Variants in USP14 observed in about 807,000 individuals in gnomAD.
USP14 encodes ubiquitin specific peptidase 14.
In USP14, 38 loss-of-function variants were observed where a neutral mutation model predicts 76.5. The observed-to-expected ratio is 0.50, with a 90% CI of 0.38 to 0.65. The LOEUF is 0.65. Among genes scored for constraint, USP14 ranks in the 30% least tolerant of loss-of-function variants. USP14 has a pLI of 0.00. For missense variants in USP14, 467 were observed against 586.5 expected, an observed-to-expected ratio of 0.80 and a Z score of 2.10; for synonymous variants, 192 against 191.7, an observed-to-expected ratio of 1.00 and a Z score of -0.01.
At chr18:188,669 GTATTT>G (rs552250839) in intron 5 of USP14, among the ~76,000 whole-genome samples, 283 of 151,492 alleles carry the variant, frequency 1.9e-3, no homozygotes, top group African/African-American at 6.3e-3. Flanking sequence ...CTTTTTTGGG[GTATTT>G]TATTTTATTT....
In USP14 at chr18:158,560, T is replaced by A. The variant is rs551737217; in HGVS notation, c.-139T>A. The stretch of plus-strand genomic sequence containing the variant: ...CGTCATCGCCAGTGGCCGGTTTGAA[T>A]GAGACTCGTCGCACCGAAGCCGCCG... On this transcript the variant is annotated 5_prime_UTR_variant, in exon 1 of 16. An upstream start codon of the reference 5' UTR is lost. Transcript: ENST00000261601. 877 of 829,526 alleles carry A rather than the reference T, an allele frequency of 1.1e-3. 1 individual carries two copies. The highest frequency in any genetic ancestry group is 1.6e-3 in the Middle Eastern group (7 of 4,406). 51.4% of individuals were successfully genotyped at this position (829,526 alleles called of 1,614,324 possible). A position where few individuals can be genotyped will look rare whatever the true frequency, so the allele number is the denominator to read the frequency against.
chr18:178,603 G>A (rs1909695513), intron 3 of USP14, among the ~76,000 whole-genome samples: 2 of 152,076 alleles, frequency 1.3e-5, no homozygotes, highest in Non-Finnish European at 2.9e-5. Context: ...GTACACCTTT[G>A]CCTTGGCCTC....
intron 1 of USP14, among the ~76,000 whole-genome samples, chr18:159,177 C>T (rs1909044891): frequency 6.6e-6 from 1 of 152,138 alleles, no homozygotes; most frequent in Admixed American, 6.5e-5. Context: ...TCGTCCTTCG[C>T]CCTTCTCTTG....
chr18:188,353 A>G (rs1909990546), intron 5 of USP14, among the ~76,000 whole-genome samples: 1 of 152,110 alleles, frequency 6.6e-6, no homozygotes, highest in South Asian at 2.1e-4. Context: ...GTGATACATT[A>G]TGTTAATAGT....
At chr18:161,749 T>G (rs1403650239) in intron 1 of USP14, among the ~76,000 whole-genome samples, 1 of 152,214 alleles carries the variant, frequency 6.6e-6, no homozygotes, top group African/African-American at 2.4e-5. Context: ...AGTTGTGAGG[T>G]TCTTATTTTT....
chr18:163,142 A>G (rs1266309776), intron 1 of USP14, 166 bp from the exon 2 acceptor site: 10 of 535,790 alleles, frequency 1.9e-5, no homozygotes, highest in Non-Finnish European at 3.2e-5. Context: ...AATTTTATTC[A>G]GCACCTACTG....
At chr18:189,352 T>G (rs183979004) in intron 5 of USP14, among the ~76,000 whole-genome samples, 1 of 152,184 alleles carries the variant, frequency 6.6e-6, no homozygotes, top group African/African-American at 2.4e-5. Context: ...TTACTTACCC[T>G]TGTGTAGTAA....
chr18:174,176 A>G (rs1038163112), intron 3 of USP14, among the ~76,000 whole-genome samples: 2 of 152,110 alleles, frequency 1.3e-5, no homozygotes, highest in African/African-American at 4.8e-5. Flanking sequence ...TAACTTACAA[A>G]CATGGTAAAC....
At chr18:210,993 C>A in intron 15 of USP14, 140 bp from the exon 16 acceptor site, 1 of 786,826 alleles carries the variant, frequency 1.3e-6, no homozygotes, top group Non-Finnish European at 2.0e-6. Context: ...CCTGTGTGGT[C>A]ACTGGGTCGC....
At chr18:183,508 T>C (rs1336045411) in intron 5 of USP14, among the ~76,000 whole-genome samples, 5 of 152,078 alleles carry the variant, frequency 3.3e-5, no homozygotes, top group Non-Finnish European at 7.4e-5. Context: ...TTAAAATTTC[T>C]AGATCTGTTT....
chr18:203,771 G>A (rs1034695585), intron 12 of USP14, among the ~76,000 whole-genome samples: 3 of 151,974 alleles, frequency 2.0e-5, no homozygotes, highest in East Asian at 1.9e-4. Flanking sequence ...CACCGTGCCC[G>A]GCTAATTTTT....
intron 10 of USP14, 73 bp from the exon 11 acceptor site, chr18:202,807 C>T: frequency 6.8e-7 from 1 of 1,467,376 alleles, no homozygotes; most frequent in East Asian, 2.3e-5. Flanking sequence ...AAAAGGCTTA[C>T]TGGTGTGATT....
In USP14 at chr18:166,619, C is replaced by T. The variant is rs533124760; in HGVS notation, c.163-168C>T. On this transcript the variant is annotated intron_variant, in intron 2 of 15. Coordinates refer to ENST00000261601, the MANE Select transcript of USP14 (RefSeq NM_005151.4). ...AAGTGCTGGGATTACAGGCGTGAGC[C>T]ACTGTGCCTGGCCAAAAAAAATTTT... Among the ~76,000 whole-genome samples, 7 of 152,234 alleles carry T rather than the reference C, an allele frequency of 4.6e-5. No homozygotes were observed. The South Asian group carries it at 1.0e-3, about 23-fold the overall frequency.
At chr18:167,330 C>T (rs1909301922) in intron 3 of USP14, among the ~76,000 whole-genome samples, 1 of 152,228 alleles carries the variant, frequency 6.6e-6, no homozygotes, top group African/African-American at 2.4e-5. Flanking sequence ...TGCTCTCCAA[C>T]TTTCTCCTCT....
intron 7 of USP14, 40 bp downstream of exon 7, chr18:196,807 A>G (rs1169622001): frequency 1.2e-6 from 2 of 1,606,984 alleles, no homozygotes; most frequent in Non-Finnish European, 1.7e-6. Context: ...TAAATGTAAA[A>G]CTTAGGTTTC....
At chr18:187,936 G>A (rs1051522432) in intron 5 of USP14, among the ~76,000 whole-genome samples, 1 of 152,044 alleles carries the variant, frequency 6.6e-6, no homozygotes, top group Non-Finnish European at 1.5e-5. Context: ...TTTTCTATTA[G>A]TATTTGGATT....
intron 15 of USP14, among the ~76,000 whole-genome samples, chr18:210,778 G>A (rs767521310): frequency 6.6e-6 from 1 of 152,198 alleles, no homozygotes; most frequent in African/African-American, 2.4e-5. Flanking sequence ...ACATTTTTAT[G>A]TCTTTCTGTT....
chr18:176,737 C>G (rs570738307), intron 3 of USP14, among the ~76,000 whole-genome samples: 12 of 152,082 alleles, frequency 7.9e-5, no homozygotes, highest in African/African-American at 2.4e-4. Context: ...TTTTTTGATT[C>G]ACTTGCATTC....
intron 3 of USP14, among the ~76,000 whole-genome samples, chr18:171,507 A>T (rs1331631364): frequency 2.6e-5 from 4 of 152,184 alleles, no homozygotes; most frequent in African/African-American, 9.7e-5. Context: ...GAATATTTTA[A>T]GGCCACCATT....
Sources: allele counts gnomAD v4.1 joint callset (sites outside exome capture counted in the v4.1 genomes callset), GRCh38; gene constraint gnomAD v4.1.1; transcripts MANE v1.5; gene names NCBI Gene and HGNC (gene_info 2026-07-23, HGNC 2026-07-21).